SLC24A2: variants seen among roughly 807,000 people sequenced by gnomAD.
SLC24A2 encodes the protein solute carrier family 24 member 2, also known as sodium/potassium/calcium exchanger 2.
Under a neutral mutation model 62.0 loss-of-function variants are expected in SLC24A2, and 36 were observed. The ratio of observed to expected loss-of-function variants is 0.58; its 90% CI spans 0.44 to 0.77. The LOEUF (loss-of-function observed/expected upper bound fraction) is 0.77, where lower values mean the gene tolerates loss of function less well. Among genes scored for constraint, SLC24A2 ranks in the 30% least tolerant of loss-of-function variants. The pLI, the probability that SLC24A2 is intolerant of heterozygous loss-of-function variation, is 0.00. For missense variants in SLC24A2, 846 were observed against 817.9 expected (o/e 1.03, Z -0.42); for synonymous variants, 358 against 294.0 (o/e 1.22, Z -2.23).
chr9:20,065,414 C>G, the SLC24A2 span, among the ~76,000 whole-genome samples: 1 of 152,194 alleles, frequency 6.6e-6, no homozygotes, highest in African/African-American at 2.4e-5. Context: ...TCCCAATATC[C>G]TGTAAATGCC....
the SLC24A2 span, among the ~76,000 whole-genome samples, chr9:20,037,926 G>A: frequency 2.0e-5 from 3 of 152,124 alleles, no homozygotes; most frequent in African/African-American, 7.2e-5. Flanking sequence ...CTGACCAAAA[G>A]CAATATCAAA....
At chr9:19,766,693 T>C (rs1458311044) in intron 2 of SLC24A2, among the ~76,000 whole-genome samples, 1 of 152,202 alleles carries the variant, frequency 6.6e-6, no homozygotes, top group Non-Finnish European at 1.5e-5. Flanking sequence ...ACCTGCCAGA[T>C]GCCAGCCAGA....
intron 7 of SLC24A2, among the ~76,000 whole-genome samples, chr9:19,553,420 G>T (rs898494146): frequency 6.6e-6 from 1 of 152,148 alleles, no homozygotes; most frequent in African/African-American, 2.4e-5. Flanking sequence ...GTCCAGAAAG[G>T]ATTCAAATGG....
intron 2 of SLC24A2, among the ~76,000 whole-genome samples, chr9:19,717,340 C>A (rs1482191811): frequency 6.6e-6 from 1 of 152,138 alleles, no homozygotes; most frequent in Non-Finnish European, 1.5e-5. Context: ...GAAGAAGATG[C>A]CTCACAAGTA....
chr9:20,109,831 G>C, the SLC24A2 span, among the ~76,000 whole-genome samples: 97 of 152,182 alleles, frequency 6.4e-4, no homozygotes, highest in African/African-American at 2.1e-3. Flanking sequence ...AACACACAAG[G>C]AGAGCACACA....
intron 9 of SLC24A2, 106 bp from the exon 10 acceptor site, chr9:19,521,166 C>CATAGCACAG: frequency 1.0e-6 from 1 of 981,682 alleles, no homozygotes; most frequent in Non-Finnish European, 1.6e-6. Context: ...CTATACTGTG[C>CATAGCACAG]TATGCAAAGT....
the SLC24A2 span, among the ~76,000 whole-genome samples, chr9:20,202,453 T>G: frequency 2.8e-4 from 43 of 152,320 alleles, 1 homozygote; most frequent in African/African-American, 1.0e-3. Flanking sequence ...TGTTGAAGTC[T>G]GGTTAATGCC....
the SLC24A2 span, among the ~76,000 whole-genome samples, chr9:20,126,074 G>A: frequency 6.6e-6 from 1 of 152,142 alleles, no homozygotes; most frequent in South Asian, 2.1e-4. Context: ...TCTTACAAAG[G>A]TGTTTTTTTT....
chr9:19,959,574 G>C, the SLC24A2 span, among the ~76,000 whole-genome samples: 1 of 152,138 alleles, frequency 6.6e-6, no homozygotes, highest in Non-Finnish European at 1.5e-5. Flanking sequence ...CACATACTAG[G>C]CATTTGATAA....
At chr9:20,237,385 C>G in the SLC24A2 span, among the ~76,000 whole-genome samples, 442 of 152,308 alleles carry the variant, frequency 2.9e-3, 1 homozygote, top group African/African-American at 0.01. Flanking sequence ...CCCATGATTA[C>G]TTAGCCAGAA....
intron 4 of SLC24A2, among the ~76,000 whole-genome samples, chr9:19,608,189 T>A (rs7853323): frequency 0.53 from 81,017 of 152,072 alleles, 21,873 homozygotes; most frequent in East Asian, 0.73. Context: ...TAAGCTGATC[T>A]AAAATTTAAG....
the SLC24A2 span, among the ~76,000 whole-genome samples, chr9:20,194,742 T>C: frequency 1.3e-5 from 2 of 152,110 alleles, no homozygotes; most frequent in Admixed American, 1.3e-4. Flanking sequence ...TTCTCTACTT[T>C]TTCTAACTCT....
the SLC24A2 span, among the ~76,000 whole-genome samples, chr9:20,266,694 G>T: frequency 2.6e-5 from 4 of 152,230 alleles, no homozygotes; most frequent in East Asian, 7.7e-4. Flanking sequence ...ATTAGTCTAG[G>T]TTCTACATAA....
At chr9:19,560,774 G>C (rs935980025) in intron 7 of SLC24A2, among the ~76,000 whole-genome samples, 1 of 151,984 alleles carries the variant, frequency 6.6e-6, no homozygotes, top group African/African-American at 2.4e-5. Flanking sequence ...AAATCATTGT[G>C]TTCACTTAGT....
intron 2 of SLC24A2, among the ~76,000 whole-genome samples, chr9:19,745,563 C>T (rs995886839): frequency 6.6e-5 from 10 of 152,020 alleles, no homozygotes; most frequent in Admixed American, 2.6e-4. Context: ...GCATCCAAGG[C>T]GATTGTGATG....
chr9:19,631,923 A>G (rs921172314), intron 2 of SLC24A2, among the ~76,000 whole-genome samples: 1 of 152,160 alleles, frequency 6.6e-6, no homozygotes, highest in Non-Finnish European at 1.5e-5. Flanking sequence ...AGGTGAGTGC[A>G]GTAGGGGTCC....
the SLC24A2 span, among the ~76,000 whole-genome samples, chr9:19,970,199 C>G: frequency 6.6e-6 from 1 of 152,158 alleles, no homozygotes; most frequent in South Asian, 2.1e-4. Context: ...TGAGGAGGTT[C>G]TGATTTTCCC....
chr9:19,917,867 G>C, the SLC24A2 span, among the ~76,000 whole-genome samples: 1 of 151,988 alleles, frequency 6.6e-6, no homozygotes, highest in African/African-American at 2.4e-5. Flanking sequence ...AGAATATTTA[G>C]AACTTTAACA....
At chr9:19,518,422 T>C (rs1033659682) in intron 10 of SLC24A2, among the ~76,000 whole-genome samples, 4 of 151,174 alleles carry the variant, frequency 2.6e-5, no homozygotes, top group African/African-American at 9.7e-5. Flanking sequence ...TTTCTTTTCT[T>C]TTCTTTTTTT....
Sources: gnomAD v4.1 joint callset for allele counts (sites outside exome capture counted in the v4.1 genomes callset) on GRCh38, gnomAD v4.1.1 for gene constraint, MANE v1.5 for transcripts, NCBI Gene and HGNC (gene_info 2026-07-23, HGNC 2026-07-21) for gene names.